KIAA0825: variants seen among roughly 807,000 people sequenced by gnomAD.
KIAA0825 encodes KIAA0825, also known as uncharacterized protein KIAA0825.
A neutral mutation model predicts 147.6 loss-of-function variants in KIAA0825; 119 were observed. The ratio of observed to expected loss-of-function variants is 0.81; its 90% confidence interval spans 0.69 to 0.94. The LOEUF is 0.94. Among genes scored for constraint, KIAA0825 ranks in the 40% least tolerant of loss-of-function variants. The probability of loss-of-function intolerance (pLI) is 0.00; values close to 1 mark genes in which losing one functional copy is unlikely to be tolerated. For missense variants in KIAA0825, 1,381 were observed against 1,472.7 expected (o/e 0.94, Z 1.02); for synonymous variants, 470 against 518.1 (o/e 0.91, Z 1.26).
At chr5:94,530,348 C>A (rs1039778212) in intron 3 of KIAA0825, among the ~76,000 whole-genome samples, 3 of 148,978 alleles carry the variant, frequency 2.0e-5, no homozygotes, top group Non-Finnish European at 3.0e-5. Flanking sequence ...CAGAGTTTCA[C>A]TATGTTGTCC....
intron 20 of KIAA0825, among the ~76,000 whole-genome samples, chr5:94,156,115 C>T (rs531223205): frequency 3.3e-5 from 5 of 152,228 alleles, no homozygotes; most frequent in South Asian, 4.1e-4. Context: ...TTTAAATTCT[C>T]AATTTAAAAA....
At chr5:94,468,073 C>T (rs1392954564) in intron 10 of KIAA0825, among the ~76,000 whole-genome samples, 1 of 152,164 alleles carries the variant, frequency 6.6e-6, no homozygotes, top group African/African-American at 2.4e-5. Flanking sequence ...GCTACAGTAC[C>T]ATGTAATCAC....
chr5:94,369,593 G>A (rs1746370310), intron 20 of KIAA0825, among the ~76,000 whole-genome samples: 1 of 152,128 alleles, frequency 6.6e-6, no homozygotes, highest in Admixed American at 6.5e-5. Context: ...GAAGAAATCA[G>A]AACATCTGTC....
In KIAA0825 at chr5:94,548,025, C is replaced by A. The variant is rs75209990; in HGVS notation, c.-1-10898G>T. On this transcript the variant is annotated intron_variant, in intron 2 of 20. Transcript: ENST00000682413. ...CCTACAAAAAATGATAAAGGGAATTCTTCAAACTAAAAGAAAAAGATGTTA... is the reference window on the plus strand; with the variant it reads ...CCTACAAAAAATGATAAAGGGAATTATTCAAACTAAAAGAAAAAGATGTTA... 4.6e-3 allele frequency among the ~76,000 whole-genome samples: 695 copies of A among 152,138 alleles called. 4 individuals are homozygous for A. The highest frequency in any genetic ancestry group is 0.016 in the African/African-American group (666 of 41,504).
chr5:94,491,056 G>A (rs1763676923), intron 5 of KIAA0825, among the ~76,000 whole-genome samples: 1 of 152,028 alleles, frequency 6.6e-6, no homozygotes, highest in Non-Finnish European at 1.5e-5. Flanking sequence ...AAGAGAAAAT[G>A]AGAAGCTACA....
At chr5:94,383,355 C>T (rs540820388) in intron 20 of KIAA0825, among the ~76,000 whole-genome samples, 4 of 152,296 alleles carry the variant, frequency 2.6e-5, no homozygotes, top group Admixed American at 1.3e-4. Flanking sequence ...CTGAGAAATA[C>T]TGCAACCTCT....
chr5:94,194,180 T>C (rs1452282705), intron 20 of KIAA0825, among the ~76,000 whole-genome samples: 1 of 152,164 alleles, frequency 6.6e-6, no homozygotes, highest in Non-Finnish European at 1.5e-5. Context: ...ATGTCTCCTC[T>C]CTGCCCTCCC....
intron 20 of KIAA0825, among the ~76,000 whole-genome samples, chr5:94,158,841 A>G (rs577586752): frequency 6.6e-6 from 1 of 152,340 alleles, no homozygotes; most frequent in East Asian, 1.9e-4. Context: ...GAGGTAGAAG[A>G]GATTAAACAC....
At position 94,386,345 on chromosome 5, in the gene KIAA0825, G is replaced by A; in HGVS notation, c.3516C>T (p.Ile1172=). Residue 1172 remains isoleucine (I), a synonymous_variant, in exon 19 of 21, where the codon ATC becomes ATT. Transcript: ENST00000682413. ...TCCTCAAGGTCGTCTTTAAAGGTCGGATGGGTAATGGCTTTTCCTCTGAAC... is the reference window on the plus strand; with the variant it reads ...TCCTCAAGGTCGTCTTTAAAGGTCGAATGGGTAATGGCTTTTCCTCTGAAC... ...MNSSEEKPLP[I]RPLKTTLRSI... The A allele has an allele frequency of 6.4e-7, 1 of 1,551,498 alleles. No individual in the cohort carries two copies. The highest frequency in any genetic ancestry group is 8.7e-7 in the Non-Finnish European group (1 of 1,146,772).
At chr5:94,217,806 C>G (rs1388996047) in intron 20 of KIAA0825, among the ~76,000 whole-genome samples, 1 of 151,964 alleles carries the variant, frequency 6.6e-6, no homozygotes. Flanking sequence ...GTATATAATA[C>G]TAAGGGATTG....
chr5:94,200,774 C>T (rs1310772953), intron 20 of KIAA0825, among the ~76,000 whole-genome samples: 1 of 151,734 alleles, frequency 6.6e-6, no homozygotes, highest in Admixed American at 6.6e-5. Context: ...AGAAAGACAA[C>T]TCCCATACCA....
chr5:94,468,835 A>T lies in KIAA0825; in HGVS notation c.1872+1126T>A, dbSNP rs1404327128. Among the ~76,000 whole-genome samples, 4 of 152,258 alleles carry T rather than the reference A, an allele frequency of 2.6e-5. No individual in the cohort carries two copies. In the East Asian group the frequency reaches 5.8e-4, roughly 22 times the overall value. On this transcript the variant is annotated intron_variant, in intron 10 of 20. Coordinates refer to ENST00000682413, the MANE Select transcript of KIAA0825 (RefSeq NM_001145678.3). ...TCTATAGTGATTAGGACAATCAAGAAAATGAAAATCATAAACTTCAATCTA... is the reference window on the plus strand; with the variant it reads ...TCTATAGTGATTAGGACAATCAAGATAATGAAAATCATAAACTTCAATCTA...
intron 20 of KIAA0825, among the ~76,000 whole-genome samples, chr5:94,314,566 T>C (rs569352981): frequency 1.3e-4 from 20 of 151,786 alleles, no homozygotes; most frequent in Non-Finnish European, 2.5e-4. Flanking sequence ...TGTTTAGTAT[T>C]CCTCAGTTAT....
At chr5:94,558,990 A>G (rs1777073616) in intron 2 of KIAA0825, among the ~76,000 whole-genome samples, 1 of 152,172 alleles carries the variant, frequency 6.6e-6, no homozygotes, top group African/African-American at 2.4e-5. Flanking sequence ...ATAAAAATAC[A>G]TAAGTTGTTC....
At chr5:94,217,570 A>G (rs968732365) in intron 20 of KIAA0825, among the ~76,000 whole-genome samples, 2 of 152,204 alleles carry the variant, frequency 1.3e-5, no homozygotes, top group Admixed American at 1.3e-4. Flanking sequence ...GTAGCCCTAT[A>G]TTTTGAAATG....
Position 94,403,661 on chromosome 5 carries a change from T to G in KIAA0825, c.2795A>C (p.Asn932Thr). The part of the protein sequence containing the change: ...SSRRNCETNL[N>T]KHIVPDCLLE... Reference sequence around the variant, plus strand: ...CAAACAATCAGGAACAATGTGCTTGTTTAGGTTTGTCTCACAGTTTCTCCT... The same window carrying G: ...CAAACAATCAGGAACAATGTGCTTGGTTAGGTTTGTCTCACAGTTTCTCCT... Residue 932 changes from asparagine (N) to threonine (T), a missense_variant, in exon 16 of 21, where the codon AAC (asparagine) becomes ACC (threonine). By Grantham distance (65) the Asn-to-Thr change is moderately conservative. Coordinates refer to ENST00000682413, the MANE Select transcript of KIAA0825 (RefSeq NM_001145678.3). 1 of 1,551,592 alleles carries G rather than the reference T, an allele frequency of 6.4e-7. No individual in the cohort carries two copies. Among genetic ancestry groups the G allele is most frequent in the Non-Finnish European group, 8.7e-7 (1 of 1,146,896 alleles).
intron 20 of KIAA0825, among the ~76,000 whole-genome samples, chr5:94,196,463 T>C (rs757467850): frequency 6.6e-6 from 1 of 152,214 alleles, no homozygotes; most frequent in Non-Finnish European, 1.5e-5. Flanking sequence ...AACTTCTTTT[T>C]TTTTTTTTAA....
chr5:94,518,171 G>A (rs17083780), intron 5 of KIAA0825, among the ~76,000 whole-genome samples: 2,768 of 152,172 alleles, frequency 0.018, 46 homozygotes, highest in South Asian at 0.04. Context: ...CAACCCATTC[G>A]AGCCATTGTC....
intron 2 of KIAA0825, among the ~76,000 whole-genome samples, chr5:94,544,092 G>A (rs1329803797): frequency 1.3e-5 from 2 of 152,150 alleles, no homozygotes; most frequent in Non-Finnish European, 2.9e-5. Context: ...TCTTGTGCAA[G>A]ATCCAAGAAC....
Sources: gnomAD v4.1 joint callset for allele counts (sites outside exome capture counted in the v4.1 genomes callset) on GRCh38, gnomAD v4.1.1 for gene constraint, MANE v1.5 for transcripts, NCBI Gene and HGNC (gene_info 2026-07-23, HGNC 2026-07-21) for gene names.